Variants in PLA2G5 observed in about 807,000 individuals in gnomAD.
The protein encoded by PLA2G5 is Ca2+-dependent phospholipase A2.
Under a neutral mutation model 15.9 loss-of-function variants are expected in PLA2G5, and 12 were observed. That is an observed-to-expected ratio of 0.76 (90% CI 0.48 to 1.23). The LOEUF is 1.23. Among genes scored for constraint, PLA2G5 ranks in the 50% most tolerant of loss-of-function variants. The probability of loss-of-function intolerance (pLI) is 0.00; values close to 1 mark genes in which losing one functional copy is unlikely to be tolerated. For missense variants in PLA2G5, 169 were observed against 177.1 expected, an observed-to-expected ratio of 0.95 and a Z score of 0.26; for synonymous variants, 71 against 71.4, an observed-to-expected ratio of 0.99 and a Z score of 0.03.
intron 1 of PLA2G5, among the ~76,000 whole-genome samples, chr1:20,038,273 A>C (rs1352628442): frequency 2.0e-5 from 3 of 151,616 alleles, no homozygotes; most frequent in Non-Finnish European, 4.4e-5. Flanking sequence ...TGCCACCACC[A>C]CCCCCCAAAA....
intron 1 of PLA2G5, chr1:20,054,887 A>G (rs1161425248): frequency 1.3e-5 from 2 of 152,218 alleles, no homozygotes; most frequent in Non-Finnish European, 2.9e-5. Context: ...TCCCCTACAG[A>G]ATAGTTGAAC....
intron 1 of PLA2G5, among the ~76,000 whole-genome samples, chr1:20,038,643 G>A (rs1300780886): frequency 6.6e-6 from 1 of 152,182 alleles, no homozygotes; most frequent in African/African-American, 2.4e-5. Flanking sequence ...ACTGGGCATG[G>A]TGGTAAATGC....
At chr1:20,088,662 A>G (rs1375795265) in intron 3 of PLA2G5, among the ~76,000 whole-genome samples, 1 of 152,146 alleles carries the variant, frequency 6.6e-6, no homozygotes, top group Admixed American at 6.5e-5. Flanking sequence ...TTTATATGCA[A>G]TCTGCTACAC....
chr1:20,079,143 C>G (rs2015865743), intron 1 of PLA2G5, among the ~76,000 whole-genome samples: 1 of 145,154 alleles, frequency 6.9e-6, no homozygotes, highest in Non-Finnish European at 1.5e-5. Context: ...AAATCCAAGT[C>G]TTCTCAAAAA....
At chr1:20,072,790 T>C (rs2015449472) in intron 1 of PLA2G5, among the ~76,000 whole-genome samples, 1 of 152,218 alleles carries the variant, frequency 6.6e-6, no homozygotes, top group African/African-American at 2.4e-5. Flanking sequence ...AGGCACCTCC[T>C]CTTAGGCCCA....
intron 1 of PLA2G5, among the ~76,000 whole-genome samples, chr1:20,032,873 A>G (rs1340511765): frequency 6.6e-6 from 1 of 152,166 alleles, no homozygotes; most frequent in Non-Finnish European, 1.5e-5. Flanking sequence ...AGAAGTTTTC[A>G]TTGGTTTTGG....
At chr1:20,067,428 C>T (rs976760846), upstream of PLA2G5, among the ~76,000 whole-genome samples, 2 of 152,188 alleles carry the variant, frequency 1.3e-5, no homozygotes, top group Non-Finnish European at 2.9e-5. Context: ...TGGCTCACGC[C>T]TGTAATTCCA....
intron 1 of PLA2G5, among the ~76,000 whole-genome samples, chr1:20,056,708 G>C (rs2014450300): frequency 6.6e-6 from 1 of 152,120 alleles, no homozygotes; most frequent in Non-Finnish European, 1.5e-5. Flanking sequence ...TAGTTTTGGT[G>C]TTAGAATAAT....
chr1:20,077,092 T>C (rs1298510232), intron 1 of PLA2G5, among the ~76,000 whole-genome samples: 1 of 152,266 alleles, frequency 6.6e-6, no homozygotes, highest in African/African-American at 2.4e-5. Flanking sequence ...TTTAATTAGT[T>C]CTACAAATAG....
chr1:20,038,002 G>A (rs1323960058), intron 1 of PLA2G5, among the ~76,000 whole-genome samples: 1 of 152,072 alleles, frequency 6.6e-6, no homozygotes, highest in Non-Finnish European at 1.5e-5. Flanking sequence ...TGCTTTTGCT[G>A]TGTCATGCAG....
In PLA2G5 at chr1:20,091,832, T is replaced by G. The variant is rs1042970528; in HGVS notation, c.*1140T>G. On this transcript the variant is annotated 3_prime_UTR_variant, in exon 5 of 5. Coordinates refer to ENST00000375108, the MANE Select transcript of PLA2G5 (RefSeq NM_000929.3). Reference sequence around the variant, plus strand: ...TCCGACATACCCCAAAATAACTGCATGATAAATAGGTCTATATTTAAAAAG... The same window carrying G: ...TCCGACATACCCCAAAATAACTGCAGGATAAATAGGTCTATATTTAAAAAG... 1.4e-4 allele frequency among the ~76,000 whole-genome samples: 22 copies of G among 152,196 alleles called. No homozygotes were observed. The highest frequency in any genetic ancestry group is 5.3e-4 in the African/African-American group (22 of 41,444).
chr1:20,080,872 A>C (rs2100593101), intron 1 of PLA2G5, among the ~76,000 whole-genome samples: 1 of 151,992 alleles, frequency 6.6e-6, no homozygotes, highest in Middle Eastern at 3.4e-3. Context: ...GAGAGGGGCT[A>C]TGAGAGGAGA....
At chr1:20,070,012 G>T (rs2015266541), upstream of PLA2G5, among the ~76,000 whole-genome samples, 5 of 152,202 alleles carry the variant, frequency 3.3e-5, no homozygotes, top group South Asian at 1.0e-3. Flanking sequence ...CAGGACTGAG[G>T]TAGGGGTTAC....
intron 1 of PLA2G5, among the ~76,000 whole-genome samples, chr1:20,059,422 A>G (rs1306886678): frequency 1.4e-5 from 2 of 141,704 alleles, no homozygotes; most frequent in East Asian, 2.0e-4. Flanking sequence ...GGTCCTGTCT[A>G]AAAAAAAAAA....
At chr1:20,071,324 C>A (rs891814467) in intron 1 of PLA2G5, among the ~76,000 whole-genome samples, 1 of 152,170 alleles carries the variant, frequency 6.6e-6, no homozygotes, top group African/African-American at 2.4e-5. Context: ...CTGTGCCATG[C>A]AGAGTGCTAG....
rs563763442 is a variant in PLA2G5, at chr1:20,091,410, G to T, written c.*718G>T. Among the ~76,000 whole-genome samples the T allele has an allele frequency of 6.6e-6, 1 of 152,182 alleles. No individual in the cohort carries two copies. Among genetic ancestry groups the T allele is most frequent in the Non-Finnish European group, 1.5e-5 (1 of 68,028 alleles). ...TCAGGGAAAGATAACTGGTGATTAT[G>T]CCAGCTTCAGCTTCCAGGCCAGAGA... On this transcript the variant is annotated 3_prime_UTR_variant, in exon 5 of 5. Coordinates refer to ENST00000375108, the MANE Select transcript of PLA2G5 (RefSeq NM_000929.3).
At chr1:20,058,066 G>A (rs978747281) in intron 1 of PLA2G5, among the ~76,000 whole-genome samples, 1 of 152,150 alleles carries the variant, frequency 6.6e-6, no homozygotes, top group Non-Finnish European at 1.5e-5. Context: ...CTTGGTGAGT[G>A]TTCCACATGA....
intron 1 of PLA2G5, among the ~76,000 whole-genome samples, chr1:20,035,711 T>A (rs2013207002): frequency 6.6e-6 from 1 of 152,232 alleles, no homozygotes; most frequent in South Asian, 2.1e-4. Context: ...TATAGGTCAT[T>A]TAAACATTCA....
intron 3 of PLA2G5, 121 bp downstream of exon 3, chr1:20,086,348 A>G: frequency 8.7e-7 from 1 of 1,147,496 alleles, no homozygotes; most frequent in Non-Finnish European, 1.2e-6. Context: ...TAAGAAAACT[A>G]AGCCTCAAAG....
Sources: allele counts gnomAD v4.1 joint callset (sites outside exome capture counted in the v4.1 genomes callset), GRCh38; gene constraint gnomAD v4.1.1; transcripts MANE v1.5; gene names NCBI Gene and HGNC (gene_info 2026-07-23, HGNC 2026-07-21).